Variants in DRG1 observed in about 807,000 individuals in gnomAD.
DRG1 encodes developmentally-regulated GTP-binding protein 1.
A neutral mutation model predicts 38.8 loss-of-function variants in DRG1; 19 were observed. The observed-to-expected ratio is 0.49, with a 90% CI of 0.34 to 0.72. DRG1 has a LOEUF of 0.72. Ranked by LOEUF, DRG1 falls within the 30% of genes least tolerant of loss-of-function variation. The pLI, the probability that DRG1 is intolerant of heterozygous loss-of-function variation, is 0.01. For missense variants in DRG1, 299 were observed against 444.8 expected (o/e 0.67, Z 2.95); for synonymous variants, 167 against 157.5 (o/e 1.06, Z -0.45).
At chr22:31,409,509 C>T (rs565424843) in intron 3 of DRG1, among the ~76,000 whole-genome samples, 3 of 152,232 alleles carry the variant, frequency 2.0e-5, no homozygotes, top group Admixed American at 2.0e-4. Flanking sequence ...CAGCTCTCTA[C>T]ATTTTAAAAG....
At chr22:31,417,285 C>T (rs695566) in intron 4 of DRG1, among the ~76,000 whole-genome samples, 3 of 151,102 alleles carry the variant, frequency 2.0e-5, no homozygotes, top group African/African-American at 4.9e-5. Context: ...GCAGGAGAAT[C>T]GCTTAAACCT....
intron 3 of DRG1, among the ~76,000 whole-genome samples, 194 bp from the exon 4 acceptor site, chr22:31,410,816 CAA>C (rs201082892): frequency 7.8e-6 from 1 of 128,990 alleles, no homozygotes. Flanking sequence ...ACTCCATCTC[CAA>C]AAAAAAAAAA....
At chr22:31,421,586 G>A (rs2050077269) in intron 5 of DRG1, among the ~76,000 whole-genome samples, 1 of 151,988 alleles carries the variant, frequency 6.6e-6, no homozygotes, top group Non-Finnish European at 1.5e-5. Flanking sequence ...GGGGTAGGCT[G>A]GGCATGGTGG....
intron 8 of DRG1, among the ~76,000 whole-genome samples, chr22:31,430,451 G>A (rs1046935913): frequency 1.0e-4 from 15 of 150,718 alleles, no homozygotes; most frequent in African/African-American, 3.4e-4. Flanking sequence ...CCAGGCTAGA[G>A]TGCAGTGGCG....
At chr22:31,432,668 C>T (rs1035044871) in intron 8 of DRG1, among the ~76,000 whole-genome samples, 15 of 152,030 alleles carry the variant, frequency 9.9e-5, no homozygotes, top group African/African-American at 2.7e-4. Flanking sequence ...CCTCATGATC[C>T]GCCCGCCTGG....
At chr22:31,414,146 T>C (rs1319111819) in intron 4 of DRG1, among the ~76,000 whole-genome samples, 1 of 152,152 alleles carries the variant, frequency 6.6e-6, no homozygotes, top group Non-Finnish European at 1.5e-5. Flanking sequence ...ATCTTGGAGA[T>C]TCTTTTTTTC....
At chr22:31,414,780 CTT>C (rs1171073361) in intron 4 of DRG1, among the ~76,000 whole-genome samples, 30 of 132,122 alleles carry the variant, frequency 2.3e-4, no homozygotes, top group Middle Eastern at 3.9e-3. Flanking sequence ...GGCACATTTT[CTT>C]TTTTTTTTTT....
chr22:31,407,989 G>A (rs944332266), intron 3 of DRG1, among the ~76,000 whole-genome samples: 5 of 150,452 alleles, frequency 3.3e-5, no homozygotes, highest in African/African-American at 1.2e-4. Context: ...AGTGGGGCAT[G>A]GTGGCGGGCA....
intron 5 of DRG1, among the ~76,000 whole-genome samples, chr22:31,420,785 G>T (rs1353391438): frequency 6.6e-6 from 1 of 152,184 alleles, no homozygotes; most frequent in Non-Finnish European, 1.5e-5. Flanking sequence ...GCTCTGGGCA[G>T]GAATGGAAGA....
rs1348003606 is a variant in DRG1, at chr22:31,403,120, G to A, written c.258G>A (p.Gly86=). The part of the protein sequence containing the change: ...GKSTLLSNLA[G]VYSEVAAYEF... ...CAACACTGCTTAGTAACCTGGCAGG[G>A]GTATATTCTGAGGTGGCAGCCTATG... Residue 86 remains glycine (G), a synonymous_variant, in exon 3 of 9, where the codon GGG becomes GGA. Transcript: ENST00000331457. The A allele has an allele frequency of 6.2e-7, 1 of 1,614,022 alleles. No homozygotes were observed. The highest frequency in any genetic ancestry group is 8.5e-7 in the Non-Finnish European group (1 of 1,180,012).
intron 3 of DRG1, among the ~76,000 whole-genome samples, chr22:31,404,480 T>C (rs1203435143): frequency 6.6e-6 from 1 of 151,976 alleles, no homozygotes; most frequent in Non-Finnish European, 1.5e-5. Flanking sequence ...GACCTCATGA[T>C]CCTCCTGCCT....
chr22:31,418,774 C>T (rs1057085052), intron 4 of DRG1, among the ~76,000 whole-genome samples: 4 of 152,154 alleles, frequency 2.6e-5, no homozygotes, highest in African/African-American at 7.2e-5. Flanking sequence ...CTCTGCCTCC[C>T]GGGTTTAAGA....
chr22:31,399,641 G>C lies in DRG1; in HGVS notation c.-43G>C, dbSNP rs768285736. On this transcript the variant is annotated 5_prime_UTR_variant, in exon 1 of 9. Coordinates refer to ENST00000331457, the MANE Select transcript of DRG1 (RefSeq NM_004147.4). ...TGGCGGTGGCAGTTTGCCCGCGGGTGTGTGAAGGGAGACAGTGTGGAGGCC... is the reference window on the plus strand; with the variant it reads ...TGGCGGTGGCAGTTTGCCCGCGGGTCTGTGAAGGGAGACAGTGTGGAGGCC... 9.3e-6 allele frequency: 15 copies of C among 1,613,846 alleles called. No individual in the cohort carries two copies. The Admixed American group carries it at 2.5e-4, about 27-fold the overall frequency.
intron 2 of DRG1, 122 bp downstream of exon 2, chr22:31,400,865 C>T: frequency 8.4e-7 from 1 of 1,194,716 alleles, no homozygotes; most frequent in Non-Finnish European, 1.1e-6. Flanking sequence ...GCAATCCTAG[C>T]ATGCTGGGAG....
intron 3 of DRG1, among the ~76,000 whole-genome samples, chr22:31,403,755 A>G (rs1441638754): frequency 1.3e-5 from 2 of 151,844 alleles, no homozygotes; most frequent in Non-Finnish European, 2.9e-5. Context: ...ATGCGGGATT[A>G]CAGGTGTGAG....
At chr22:31,431,025 C>CCG (rs1252044479) in intron 8 of DRG1, among the ~76,000 whole-genome samples, 1 of 119,026 alleles carries the variant, frequency 8.4e-6, no homozygotes, top group African/African-American at 2.9e-5. Context: ...GCCTTCCCCC[C>CCG]CCCCCCCCGC....
At chr22:31,402,300 G>GA (rs886737444) in intron 2 of DRG1, among the ~76,000 whole-genome samples, 1 of 151,254 alleles carries the variant, frequency 6.6e-6, no homozygotes, top group Non-Finnish European at 1.5e-5. Flanking sequence ...AAAGAAAAAA[G>GA]AAAAAAAGAA....
intron 5 of DRG1, chr22:31,421,247 A>AG (rs1158406283): frequency 6.8e-6 from 1 of 147,760 alleles, no homozygotes. Context: ...CTAAGTAGCT[A>AG]GGGCTAAGTC....
At chr22:31,428,149 G>T (rs1209265402) in intron 8 of DRG1, among the ~76,000 whole-genome samples, 1 of 152,088 alleles carries the variant, frequency 6.6e-6, no homozygotes, top group Non-Finnish European at 1.5e-5. Context: ...ACTATGCCCA[G>T]CATATTAATT....
Sources: allele counts gnomAD v4.1 joint callset (sites outside exome capture counted in the v4.1 genomes callset), GRCh38; gene constraint gnomAD v4.1.1; transcripts MANE v1.5; gene names NCBI Gene and HGNC (gene_info 2026-07-23, HGNC 2026-07-21).